Variants in C1orf141 observed in about 807,000 individuals in gnomAD.
C1orf141 encodes uncharacterized protein C1orf141.
In C1orf141, 19 loss-of-function variants were observed where a neutral mutation model predicts 23.2. The observed-to-expected ratio is 0.82, with a 90% CI of 0.57 to 1.20. The LOEUF (loss-of-function observed/expected upper bound fraction) is 1.20, where lower values mean the gene tolerates loss of function less well. Ranked by LOEUF, C1orf141 falls within the 50% of genes most tolerant of loss-of-function variation. The pLI, the probability that C1orf141 is intolerant of heterozygous loss-of-function variation, is 0.00. For missense variants in C1orf141, 469 were observed against 455.1 expected (o/e 1.03, Z -0.28); for synonymous variants, 153 against 154.6 (o/e 0.99, Z 0.08).
chr1:67,137,488 A>C (rs1441638779), upstream of C1orf141, among the ~76,000 whole-genome samples: 1 of 152,178 alleles, frequency 6.6e-6, no homozygotes, highest in Non-Finnish European at 1.5e-5. Flanking sequence ...ACACAGGCAT[A>C]ATCGGTTGAT....
chr1:67,092,738 C>T lies in C1orf141; in HGVS notation c.*267G>A, dbSNP rs1645580540. 4.1e-6 allele frequency: 1 copy of T among 241,078 alleles called. No homozygotes were observed. The highest frequency in any genetic ancestry group is 8.0e-6 in the Non-Finnish European group (1 of 124,500). 14.9% of individuals were successfully genotyped at this position (241,078 alleles called of 1,614,324 possible). A position where few individuals can be genotyped will look rare whatever the true frequency, so the allele number is the denominator to read the frequency against. On this transcript the variant is annotated 3_prime_UTR_variant, in exon 8 of 8. Transcript: ENST00000684719. Reference sequence around the variant, plus strand: ...TGAATCAGAGTTTAGTATAGGAAGGCTGATGATTGAGCAATCTAATTGAGA... The same window carrying T: ...TGAATCAGAGTTTAGTATAGGAAGGTTGATGATTGAGCAATCTAATTGAGA...
chr1:67,125,797 G>T lies in C1orf141; in HGVS notation c.188C>A (p.Ser63Ter). ...GCATGACTTGTCTTCTTTGATCTTT[G>T]ATATTGCCTTAGACGCGGATGTAGC... ...ALATSASKAI[S>*]KIKEDKSCSI... is the part of the protein sequence containing the mutation. The change falls in exon 4 of 8, where the codon TCA becomes TAA. Residue 63 changes from serine (S) to a stop codon, truncating the protein, a stop_gained. Transcript: ENST00000684719. LOFTEE classifies it high-confidence loss of function. 1 of 1,613,910 alleles carries T rather than the reference G, an allele frequency of 6.2e-7. No homozygotes were observed. Among genetic ancestry groups the T allele is most frequent in the East Asian group, 2.2e-5 (1 of 44,882 alleles).
intron 5 of C1orf141, among the ~76,000 whole-genome samples, chr1:67,099,022 C>T (rs6677798): frequency 0.78 from 119,289 of 152,100 alleles, 46,813 homozygotes; most frequent in East Asian, 0.85. Context: ...TGGACATTTA[C>T]CCAATAGCTT....
intron 5 of C1orf141, among the ~76,000 whole-genome samples, chr1:67,105,026 TAA>T (rs1250342066): frequency 6.6e-6 from 1 of 152,142 alleles, no homozygotes; most frequent in Non-Finnish European, 1.5e-5. Flanking sequence ...AATATTTTCT[TAA>T]TGTGATAAAG....
At chr1:67,125,247 C>T (rs1324067736) in intron 4 of C1orf141, among the ~76,000 whole-genome samples, 3 of 151,988 alleles carry the variant, frequency 2.0e-5, no homozygotes, top group Non-Finnish European at 4.4e-5. Flanking sequence ...ACCATCTACA[C>T]TAGTAAAATA....
At chr1:67,096,490 C>T (rs1406422691) in intron 5 of C1orf141, among the ~76,000 whole-genome samples, 169 bp from the exon 6 acceptor site, 3 of 152,100 alleles carry the variant, frequency 2.0e-5, no homozygotes, top group Non-Finnish European at 2.9e-5. Context: ...CTAGATAGAA[C>T]TGGAAAAGAC....
intron 4 of C1orf141, among the ~76,000 whole-genome samples, chr1:67,117,504 G>A (rs1646218529): frequency 6.6e-6 from 1 of 152,194 alleles, no homozygotes. Flanking sequence ...TTTTTAATGG[G>A]TTTTCAGTTT....
At chr1:67,098,798 A>G (rs1197487999) in intron 5 of C1orf141, among the ~76,000 whole-genome samples, 1 of 152,192 alleles carries the variant, frequency 6.6e-6, no homozygotes, top group African/African-American at 2.4e-5. Context: ...ATAAGCTAGT[A>G]TTCAGTAAAA....
chr1:67,108,018 G>C (rs1294425412), intron 5 of C1orf141, among the ~76,000 whole-genome samples: 2 of 152,150 alleles, frequency 1.3e-5, no homozygotes, highest in East Asian at 3.8e-4. Flanking sequence ...CATATACACA[G>C]AACAGTTAGG....
At chr1:67,116,780 T>C (rs1646201502) in intron 4 of C1orf141, among the ~76,000 whole-genome samples, 1 of 152,154 alleles carries the variant, frequency 6.6e-6, no homozygotes, top group African/African-American at 2.4e-5. Flanking sequence ...CTCTTTCCTC[T>C]GCCTGTAGTA....
intron 5 of C1orf141, among the ~76,000 whole-genome samples, chr1:67,102,425 T>C (rs917306722): frequency 8.8e-4 from 134 of 152,004 alleles, no homozygotes; most frequent in African/African-American, 3.1e-3. Context: ...GATTTATTGG[T>C]TTAGATGTGG....
At chr1:67,124,684 C>T (rs1646370887) in intron 4 of C1orf141, among the ~76,000 whole-genome samples, 1 of 152,132 alleles carries the variant, frequency 6.6e-6, no homozygotes, top group Non-Finnish European at 1.5e-5. Context: ...CCTGTCTAAA[C>T]TATGTGTGAA....
At chr1:67,102,979 G>A (rs1244597456) in intron 5 of C1orf141, among the ~76,000 whole-genome samples, 3 of 152,056 alleles carry the variant, frequency 2.0e-5, no homozygotes, top group African/African-American at 7.2e-5. Context: ...GAAAACATAT[G>A]TTTTAAGCAT....
At chr1:67,096,801 A>G (rs1396578902) in intron 5 of C1orf141, among the ~76,000 whole-genome samples, 4 of 152,212 alleles carry the variant, frequency 2.6e-5, no homozygotes, top group Non-Finnish European at 4.4e-5. Flanking sequence ...TAACAGTTTT[A>G]GCTTTTACCT....
intron 4 of C1orf141, chr1:67,123,713 AG>A (rs1394752403): frequency 2.6e-5 from 4 of 152,346 alleles, no homozygotes; most frequent in African/African-American, 9.6e-5. Flanking sequence ...CTTCCCTAGA[AG>A]TAGGTGTTAA....
At chr1:67,099,338 T>G (rs1281886063) in intron 5 of C1orf141, among the ~76,000 whole-genome samples, 10 of 152,172 alleles carry the variant, frequency 6.6e-5, no homozygotes, top group Non-Finnish European at 1.5e-5. Context: ...TAATTTACAG[T>G]GTAGACATTT....
At chr1:67,101,622 A>G (rs1366510991) in intron 5 of C1orf141, among the ~76,000 whole-genome samples, 1 of 152,078 alleles carries the variant, frequency 6.6e-6, no homozygotes, top group Non-Finnish European at 1.5e-5. Flanking sequence ...GCTTCATATT[A>G]TAATATGAGG....
At position 67,102,855 on chromosome 1, in the gene C1orf141, G is replaced by GT. The variant is rs926126169; in HGVS notation, c.347-6535dup. 1.4e-3 allele frequency: 206 copies of GT among 149,082 alleles called. 1 individual carries two copies. The highest frequency in any genetic ancestry group is 3.4e-3 in the Middle Eastern group (1 of 292). 9.2% of individuals were successfully genotyped at this position (149,082 alleles called of 1,614,324 possible). A position where few individuals can be genotyped will look rare whatever the true frequency, so the allele number is the denominator to read the frequency against. On this transcript the variant is annotated intron_variant, in intron 5 of 7. Coordinates refer to ENST00000684719, the MANE Select transcript of C1orf141 (RefSeq NM_001276351.2). Reference sequence around the variant, plus strand: ...CAAAAGCCTTTCTGATGGACTTCTTGTTTTTTTTTTAGATAATAAATATCT... The same window carrying GT: ...CAAAAGCCTTTCTGATGGACTTCTTGTTTTTTTTTTTAGATAATAAATATCT...
At chr1:67,124,740 T>G (rs561515462) in intron 4 of C1orf141, among the ~76,000 whole-genome samples, 2 of 152,332 alleles carry the variant, frequency 1.3e-5, no homozygotes, top group African/African-American at 4.8e-5. Flanking sequence ...GATTTAAACC[T>G]TAGCAGTCTG....
Sources: gnomAD v4.1 joint callset for allele counts (sites outside exome capture counted in the v4.1 genomes callset) on GRCh38, gnomAD v4.1.1 for gene constraint, MANE v1.5 for transcripts, NCBI Gene and HGNC (gene_info 2026-07-23, HGNC 2026-07-21) for gene names.